Variants in LRRC49 observed in about 807,000 individuals in gnomAD.
The protein encoded by LRRC49 is leucine rich repeat containing 49, also known as leucine-rich repeat-containing protein 49.
Under a neutral mutation model 83.3 loss-of-function variants are expected in LRRC49, and 50 were observed. That is an observed-to-expected ratio of 0.60 (90% CI 0.48 to 0.76). The LOEUF is 0.76. Among genes scored for constraint, LRRC49 ranks in the 30% least tolerant of loss-of-function variants. The pLI is 0.00. For synonymous variants in LRRC49, 286 were observed against 283.3 expected (o/e 1.01, Z -0.10); for missense variants, 704 against 809.1 (o/e 0.87, Z 1.58).
chr15:70,890,982 G>T (rs1312420941), upstream of LRRC49, among the ~76,000 whole-genome samples: 1 of 152,096 alleles, frequency 6.6e-6, no homozygotes, highest in Non-Finnish European at 1.5e-5. Flanking sequence ...CCATTAAAGG[G>T]TCTTAAATAC....
intron 15 of LRRC49, among the ~76,000 whole-genome samples, chr15:71,047,502 G>A (rs2039886971): frequency 6.6e-6 from 1 of 152,148 alleles, no homozygotes; most frequent in African/African-American, 2.4e-5. Flanking sequence ...TTGGTGTATA[G>A]AAACGCTACT....
At chr15:70,859,120 GAAC>G (rs1233820848) in intron 1 of LRRC49, 3 of 1,382,104 alleles carry the variant, frequency 2.2e-6, no homozygotes, top group Non-Finnish European at 3.1e-6. Context: ...GGAACAACAA[GAAC>G]AACATGTTCC....
intron 2 of LRRC49, chr15:70,894,696 G>T (rs1261672853): frequency 1.3e-5 from 14 of 1,044,156 alleles, no homozygotes; most frequent in Non-Finnish European, 1.7e-5. Flanking sequence ...TATTAAATAG[G>T]CGTCACTGGA....
intron 11 of LRRC49, among the ~76,000 whole-genome samples, chr15:71,003,037 A>G (rs988517365): frequency 1.5e-5 from 2 of 130,972 alleles, no homozygotes; most frequent in Non-Finnish European, 3.1e-5. Flanking sequence ...TCCCAGGTTC[A>G]AGCAATTCTC....
upstream of LRRC49, chr15:70,892,719 G>A (rs961722353): frequency 2.7e-6 from 4 of 1,479,102 alleles, no homozygotes; most frequent in African/African-American, 5.6e-5. Context: ...ACAACTAGAA[G>A]CTGCAACGAC....
At chr15:70,993,596 C>A (rs1452079502) in intron 11 of LRRC49, among the ~76,000 whole-genome samples, 1 of 152,072 alleles carries the variant, frequency 6.6e-6, no homozygotes, top group Non-Finnish European at 1.5e-5. Flanking sequence ...TCTTATATAG[C>A]CCTAGAGCTA....
At chr15:70,958,774 T>C (rs2141190526) in intron 8 of LRRC49, among the ~76,000 whole-genome samples, 1 of 152,358 alleles carries the variant, frequency 6.6e-6, no homozygotes, top group African/African-American at 2.4e-5. Flanking sequence ...GAGTTGCGTA[T>C]AAATTGTGAG....
intron 5 of LRRC49, among the ~76,000 whole-genome samples, chr15:70,905,081 A>C (rs2034248742): frequency 6.6e-6 from 1 of 152,150 alleles, no homozygotes; most frequent in Non-Finnish European, 1.5e-5. Flanking sequence ...CTTTAGGCTT[A>C]TGTGTTTCAC....
intron 11 of LRRC49, among the ~76,000 whole-genome samples, chr15:70,990,716 G>A (rs962656638): frequency 2.0e-5 from 3 of 152,182 alleles, no homozygotes; most frequent in African/African-American, 7.2e-5. Context: ...GAAATCACCC[G>A]TCTTCTGCGT....
rs1033017856 is a variant in LRRC49 at position 70,990,361 on chromosome 15, G to A, written c.1169+6104G>A. ...TGGCAGGCTCCCCTCCCCCAGCCTCGCTGCTGCCTTGCAGTTTGATCTCAG... is the reference window on the plus strand; with the variant it reads ...TGGCAGGCTCCCCTCCCCCAGCCTCACTGCTGCCTTGCAGTTTGATCTCAG... On this transcript the variant is annotated intron_variant, in intron 11 of 15. Transcript: ENST00000260382. Among the ~76,000 whole-genome samples the A allele has an allele frequency of 2.1e-4, 32 of 152,122 alleles. 1 individual carries two copies. Among genetic ancestry groups the A allele is most frequent in the Admixed American group, 5.9e-4 (9 of 15,286 alleles).
chr15:71,030,524 G>A (rs1445983461), intron 14 of LRRC49, among the ~76,000 whole-genome samples: 3 of 152,144 alleles, frequency 2.0e-5, no homozygotes, highest in South Asian at 2.1e-4. Flanking sequence ...GAGTATCTTA[G>A]TGGTGTTCTC....
chr15:70,901,946 A>G (rs2034098493), intron 4 of LRRC49, among the ~76,000 whole-genome samples: 1 of 152,202 alleles, frequency 6.6e-6, no homozygotes, highest in African/African-American at 2.4e-5. Flanking sequence ...AGCAGAGACA[A>G]CATCTCTGTT....
chr15:71,026,639 T>C (rs1024128730), intron 14 of LRRC49, among the ~76,000 whole-genome samples: 1 of 152,220 alleles, frequency 6.6e-6, no homozygotes, highest in African/African-American at 2.4e-5. Flanking sequence ...ATCGCCATTC[T>C]AACTGACATA....
chr15:70,935,646 CAT>C (rs1347980415), intron 7 of LRRC49, among the ~76,000 whole-genome samples: 1 of 152,144 alleles, frequency 6.6e-6, no homozygotes, highest in Admixed American at 6.5e-5. Context: ...GTCACAATAA[CAT>C]ATAAAATATA....
At chr15:70,891,567 CTGTGTGTGTG>C (rs3220843), upstream of LRRC49, among the ~76,000 whole-genome samples, 1,558 of 137,124 alleles carry the variant, frequency 0.011, 17 homozygotes, top group Admixed American at 0.02. Flanking sequence ...GGACAAGACT[CTGTGTGTGTG>C]TGTGTGTGTG....
At chr15:70,918,283 C>G (rs1256292131) in intron 6 of LRRC49, 1 of 152,302 alleles carries the variant, frequency 6.6e-6, no homozygotes, top group Admixed American at 6.5e-5. Context: ...CTGAGTGCAG[C>G]CTGCCAGGGT....
intron 8 of LRRC49, among the ~76,000 whole-genome samples, chr15:70,951,402 G>A (rs1418557067): frequency 1.3e-5 from 2 of 152,106 alleles, no homozygotes; most frequent in Non-Finnish European, 2.9e-5. Context: ...AGCATGGAAT[G>A]TGTTTCCATT....
chr15:70,884,673 T>G (rs2033358148), intron 2 of LRRC49, among the ~76,000 whole-genome samples: 1 of 152,194 alleles, frequency 6.6e-6, no homozygotes, highest in South Asian at 2.1e-4. Context: ...TATATCTACT[T>G]CTAAGCCAAG....
chr15:70,927,721 C>T (rs1431062027), intron 7 of LRRC49, among the ~76,000 whole-genome samples: 2 of 152,170 alleles, frequency 1.3e-5, no homozygotes, highest in Non-Finnish European at 1.5e-5. Flanking sequence ...GAACATAGCA[C>T]ACTGCAGCCT....
Sources: allele counts gnomAD v4.1 joint callset (sites outside exome capture counted in the v4.1 genomes callset), GRCh38; gene constraint gnomAD v4.1.1; transcripts MANE v1.5; gene names NCBI Gene and HGNC (gene_info 2026-07-23, HGNC 2026-07-21).